Variants in RIMS2 observed in about 807,000 individuals in gnomAD.
The protein encoded by RIMS2 is regulating synaptic membrane exocytosis 2.
RIMS2 carries 59 observed loss-of-function variants against 174.4 expected under a neutral mutation model. The ratio of observed to expected loss-of-function variants is 0.34; its 90% confidence interval spans 0.27 to 0.42. RIMS2 has a LOEUF of 0.42. RIMS2 is among the 10% of genes least tolerant of loss of function. The pLI is 1.00. For missense variants in RIMS2, 1,620 were observed against 1,666.3 expected (o/e 0.97, Z 0.48); for synonymous variants, 606 against 572.5 (o/e 1.06, Z -0.84).
intron 1 of RIMS2, among the ~76,000 whole-genome samples, chr8:103,668,579 T>TGA (rs1313534876): frequency 6.6e-6 from 1 of 152,076 alleles, no homozygotes; most frequent in Non-Finnish European, 1.5e-5. Context: ...TGTGTGTGTG[T>TGA]GAGTGTGTGC....
chr8:104,074,151 A>G (rs1176419913), intron 19 of RIMS2, among the ~76,000 whole-genome samples: 2 of 152,166 alleles, frequency 1.3e-5, no homozygotes, highest in Non-Finnish European at 2.9e-5. Context: ...GCTTGTTACA[A>G]GTGGTCATAT....
rs1481443382 is a variant in RIMS2 at position 103,604,524 on chromosome 8, A to C, written c.177-92562A>C. ...TATGAACTTTAAAGTAGTTTTTTCC[A>C]ATTCTGTGAAGAAAGGCATTGGTAG... On this transcript the variant is annotated intron_variant, in intron 1 of 23. Coordinates refer to ENST00000504942, the Ensembl canonical transcript of RIMS2. Among the ~76,000 whole-genome samples the C allele has an allele frequency of 2.0e-5, 3 of 151,844 alleles. No individual in the cohort carries two copies. In the East Asian group the frequency reaches 5.8e-4, roughly 29 times the overall value.
intron 1 of RIMS2, among the ~76,000 whole-genome samples, chr8:103,693,106 C>T (rs1256883965): frequency 6.6e-6 from 1 of 152,136 alleles, no homozygotes; most frequent in Non-Finnish European, 1.5e-5. Flanking sequence ...TCTAAATGCT[C>T]CCTCTATGAG....
chr8:103,942,805 T>A, exon 14 of RIMS2: 1 of 1,612,914 alleles, frequency 6.2e-7, no homozygotes, highest in South Asian at 1.1e-5. Flanking sequence ...CATTATTAGA[T>A]GATGAGCCAC....
chr8:103,968,078 C>T (rs2092353177), intron 15 of RIMS2, among the ~76,000 whole-genome samples: 1 of 152,088 alleles, frequency 6.6e-6, no homozygotes, highest in Non-Finnish European at 1.5e-5. Context: ...CCAGGCTGGT[C>T]TCAAACTCCT....
intron 19 of RIMS2, chr8:104,223,533 G>A (rs370210327): frequency 1.4e-6 from 2 of 1,421,752 alleles, no homozygotes; most frequent in Admixed American, 5.7e-5. Context: ...GAGCCTCAGG[G>A]TCCCGTGGCA....
chr8:103,897,093 C>A (rs1456859410), intron 4 of RIMS2, among the ~76,000 whole-genome samples: 3 of 151,622 alleles, frequency 2.0e-5, no homozygotes, highest in Non-Finnish European at 4.4e-5. Context: ...TGGATATTTT[C>A]ACAAACCACT....
chr8:104,151,007 C>T (rs1213461723), intron 19 of RIMS2, among the ~76,000 whole-genome samples: 5 of 151,996 alleles, frequency 3.3e-5, no homozygotes, highest in Non-Finnish European at 4.4e-5. Flanking sequence ...TAAGTCCATA[C>T]CTGGAAAAGA....
intron 19 of RIMS2, among the ~76,000 whole-genome samples, chr8:104,115,712 A>G (rs1249340086): frequency 6.6e-6 from 1 of 152,238 alleles, no homozygotes; most frequent in Non-Finnish European, 1.5e-5. Context: ...CCAAGCAGGT[A>G]ATATAAGTGA....
intron 19 of RIMS2, among the ~76,000 whole-genome samples, chr8:104,108,111 G>A (rs1300403707): frequency 8.6e-5 from 13 of 152,006 alleles, no homozygotes; most frequent in Non-Finnish European, 1.9e-4. Flanking sequence ...ATGATGAATA[G>A]TCATTTCCCT....
chr8:103,801,344 G>T (rs905519831), intron 3 of RIMS2, among the ~76,000 whole-genome samples: 1 of 152,070 alleles, frequency 6.6e-6, no homozygotes, highest in African/African-American at 2.4e-5. Context: ...AGCCATTCAG[G>T]TTACTTATTT....
At chr8:103,741,205 T>C (rs1382202338) in intron 2 of RIMS2, among the ~76,000 whole-genome samples, 1 of 152,052 alleles carries the variant, frequency 6.6e-6, no homozygotes, top group Non-Finnish European at 1.5e-5. Context: ...TGGTTTTCTT[T>C]CAAAATTGTT....
intron 3 of RIMS2, among the ~76,000 whole-genome samples, chr8:103,873,644 A>G (rs1470609199): frequency 6.6e-6 from 1 of 152,100 alleles, no homozygotes; most frequent in Non-Finnish European, 1.5e-5. Context: ...CATCAGAATT[A>G]TCATGTAAAA....
At chr8:103,519,950 T>G (rs1830835268) in intron 1 of RIMS2, among the ~76,000 whole-genome samples, 1 of 152,094 alleles carries the variant, frequency 6.6e-6, no homozygotes, top group South Asian at 2.1e-4. Flanking sequence ...TTTTTATGAC[T>G]GCAAATATTG....
rs527281781 is a variant in RIMS2 at position 103,692,878 on chromosome 8, G to T, written c.177-4208G>T. Among the ~76,000 whole-genome samples the T allele has an allele frequency of 9.2e-5, 14 of 152,340 alleles. 1 individual carries two copies. In the South Asian group the frequency reaches 2.9e-3, roughly 32 times the overall value. The stretch of plus-strand genomic sequence containing the variant: ...TGCAAGCACTCCCTTTGCCACCTCA[G>T]CTGGTTTCTCACTGGGTTGCATGCT... On this transcript the variant is annotated intron_variant, in intron 1 of 23. Transcript: ENST00000504942.
intron 19 of RIMS2, among the ~76,000 whole-genome samples, chr8:104,159,264 T>C (rs2098745455): frequency 6.6e-6 from 1 of 152,210 alleles, no homozygotes; most frequent in Non-Finnish European, 1.5e-5. Context: ...TATATTTGTT[T>C]TGGTACCAGT....
downstream of RIMS2, chr8:104,252,050 A>G (rs565070980): frequency 1.2e-3 from 666 of 551,428 alleles, 2 homozygotes; most frequent in Non-Finnish European, 9.2e-4. Context: ...TTGGAATTCA[A>G]TGACACTCGA....
chr8:103,752,224 T>G (rs1459366028), intron 2 of RIMS2, among the ~76,000 whole-genome samples: 1 of 152,146 alleles, frequency 6.6e-6, no homozygotes, highest in Admixed American at 6.6e-5. Flanking sequence ...TCCCCATTGC[T>G]TGTTTTTCTC....
In RIMS2 at chr8:103,823,526, T is replaced by C. The variant is rs577067082; in HGVS notation, c.698+56989T>C. 4.6e-5 allele frequency among the ~76,000 whole-genome samples: 7 copies of C among 152,140 alleles called. No homozygotes were observed. The South Asian group carries it at 1.4e-3, about 31-fold the overall frequency. ...AAATTCACTTAGTTTAAGCGGATTC[T>C]TTTCCTTTGAAACATTGCCACTGTT... On this transcript the variant is annotated intron_variant, in intron 3 of 23. Coordinates refer to ENST00000504942, the Ensembl canonical transcript of RIMS2.
Sources: allele counts gnomAD v4.1 joint callset (sites outside exome capture counted in the v4.1 genomes callset), GRCh38; gene constraint gnomAD v4.1.1; transcripts MANE v1.5; gene names NCBI Gene and HGNC (gene_info 2026-07-23, HGNC 2026-07-21).